LAMA2: variants seen among roughly 807,000 people sequenced by gnomAD.
LAMA2 encodes the protein laminin subunit alpha-2.
In LAMA2, 269 loss-of-function variants were observed where a neutral mutation model predicts 364.8. The ratio of observed to expected loss-of-function variants is 0.74; its 90% confidence interval spans 0.67 to 0.82. The LOEUF is 0.82. Among genes scored for constraint, LAMA2 ranks in the 40% least tolerant of loss-of-function variants. The pLI, the probability that LAMA2 is intolerant of heterozygous loss-of-function variation, is 0.00. For missense variants in LAMA2, 3,807 were observed against 3,873.2 expected, an observed-to-expected ratio of 0.98 and a Z score of 0.45; for synonymous variants, 1,379 against 1,370.6, an observed-to-expected ratio of 1.01 and a Z score of -0.14.
At chr6:129,018,567 C>G (rs929292563) in intron 1 of LAMA2, among the ~76,000 whole-genome samples, 1 of 151,306 alleles carries the variant, frequency 6.6e-6, no homozygotes, top group Non-Finnish European at 1.5e-5. Flanking sequence ...TTTAAACTAC[C>G]CCTCTTGAGC....
Position 129,330,602 on chromosome 6 carries a change from T to G in LAMA2, c.4311+2190T>G, listed in dbSNP as rs72979119. 3.6e-4 allele frequency among the ~76,000 whole-genome samples: 23 copies of G among 63,084 alleles called. 1 individual carries two copies. Among genetic ancestry groups the G allele is most frequent in the East Asian group, 1.7e-3 (2 of 1,164 alleles). 41.4% of individuals were successfully genotyped at this position (63,084 alleles called of 152,430 possible). A position where few individuals can be genotyped will look rare whatever the true frequency, so the allele number is the denominator to read the frequency against. On this transcript the variant is annotated intron_variant, in intron 29 of 64. Transcript: ENST00000421865. ...TTTTGTTGTTGTTTGGTTTTTGTTT[T>G]TTTTTTTTTTTTTCCCACTGTGTCG... is the stretch of plus-strand genomic sequence containing the variant.
chr6:128,947,626 A>T (rs932309754), intron 1 of LAMA2, among the ~76,000 whole-genome samples: 4 of 152,166 alleles, frequency 2.6e-5, no homozygotes, highest in African/African-American at 4.8e-5. Flanking sequence ...TCTACCTAAT[A>T]AGCATTTATT....
intron 1 of LAMA2, among the ~76,000 whole-genome samples, chr6:128,888,033 TTCTAA>T (rs1170384993): frequency 1.3e-5 from 2 of 152,208 alleles, no homozygotes; most frequent in African/African-American, 2.4e-5. Flanking sequence ...GTGGTTTAAC[TTCTAA>T]TCTAGAAGAT....
chr6:129,292,869 G>GT, intron 20 of LAMA2: 1 of 985,838 alleles, frequency 1.0e-6, no homozygotes, highest in Non-Finnish European at 1.2e-6. Context: ...CGTTGGCTCT[G>GT]TGTCACCGCA....
At chr6:129,262,985 T>C (rs375251857) in intron 15 of LAMA2, among the ~76,000 whole-genome samples, 4 of 152,286 alleles carry the variant, frequency 2.6e-5, no homozygotes, top group South Asian at 4.1e-4. Flanking sequence ...TGTTCTGCAG[T>C]TAAATCTTTC....
intron 11 of LAMA2, 112 bp downstream of exon 11, chr6:129,190,457 C>A: frequency 9.1e-7 from 1 of 1,099,336 alleles, no homozygotes; most frequent in Non-Finnish European, 1.3e-6. Context: ...CATAAAGTTA[C>A]AGGAAGAAGT....
chr6:129,250,019 T>C, intron 12 of LAMA2, 93 bp from the exon 13 acceptor site: 1 of 818,730 alleles, frequency 1.2e-6, no homozygotes, highest in South Asian at 1.4e-5. Context: ...TACTGCCCTA[T>C]AGAACAATAA....
chr6:128,959,660 C>G (rs1781358960), intron 1 of LAMA2, among the ~76,000 whole-genome samples: 1 of 152,176 alleles, frequency 6.6e-6, no homozygotes, highest in Admixed American at 6.5e-5. Flanking sequence ...TCCCAATGAG[C>G]CGCCTCTTGT....
Position 129,315,521 on chromosome 6 carries a change from G to A in LAMA2, c.3601G>A (p.Ala1201Thr). Residue 1201 changes from alanine to threonine, a missense_variant, in exon 25 of 65, where the codon GCT becomes ACT. Ala to Thr is a moderately conservative substitution (Grantham distance 58). This residue lies in a region of LAMA2 where 3,333 missense variants were observed against 3,345.7 expected (regional missense o/e 1.00). Coordinates refer to ENST00000421865, the MANE Select transcript of LAMA2 (RefSeq NM_000426.4). ...GACCATTCTACCCCTGGTAGATGAG[G>A]CTCTGCAGCACACGACCACCAAGGG... is the stretch of plus-strand genomic sequence containing the variant. ...EQTILPLVDE[A>T]LQHTTTKGIV... 6.2e-7 allele frequency: 1 copy of A among 1,614,150 alleles called. No homozygotes were observed. The highest frequency in any genetic ancestry group is 8.5e-7 in the Non-Finnish European group (1 of 1,180,016).
At chr6:129,067,296 T>A (rs115981736) in intron 3 of LAMA2, among the ~76,000 whole-genome samples, 4,295 of 152,308 alleles carry the variant, frequency 0.028, 196 homozygotes, top group African/African-American at 0.098. Context: ...GTTCTTTACC[T>A]GTTTTAATTG....
intron 12 of LAMA2, among the ~76,000 whole-genome samples, chr6:129,195,350 G>T (rs1008044504): frequency 6.6e-6 from 1 of 152,098 alleles, no homozygotes; most frequent in African/African-American, 2.4e-5. Context: ...TGTCTGCCTG[G>T]TTGTAATAAA....
rs754216711 is a variant in LAMA2 at position 129,402,433 on chromosome 6, C to G, written c.5672C>G (p.Ser1891Cys). Residue 1891 changes from serine (S) to cysteine (C), a missense_variant, in exon 39 of 65, where the codon TCC becomes TGC. By Grantham distance (112) the Ser-to-Cys change is moderately radical. Transcript: ENST00000421865. ...IKDRKLAEKV[S>C]QAESHAAQLN... Reference sequence around the variant, plus strand: ...GACAGGAAGCTTGCTGAGAAGGTGTCCCAGGCTGAGAGCCACGCAGCTCAG... The same window carrying G: ...GACAGGAAGCTTGCTGAGAAGGTGTGCCAGGCTGAGAGCCACGCAGCTCAG... 1.9e-6 allele frequency: 3 copies of G among 1,613,964 alleles called. No homozygotes were observed. The African/African-American group carries it at 4.0e-5, about 22-fold the overall frequency.
intron 16 of LAMA2, among the ~76,000 whole-genome samples, chr6:129,267,952 G>A (rs929291829): frequency 6.6e-6 from 1 of 152,038 alleles, no homozygotes; most frequent in East Asian, 1.9e-4. Flanking sequence ...CCTTTCATTA[G>A]TCTTGCAGAA....
At chr6:128,908,490 A>T (rs1168322019) in intron 1 of LAMA2, among the ~76,000 whole-genome samples, 2 of 147,410 alleles carry the variant, frequency 1.4e-5, no homozygotes, top group Admixed American at 6.8e-5. Flanking sequence ...TATCCCCTTT[A>T]TCATTTTTTA....
intron 29 of LAMA2, among the ~76,000 whole-genome samples, chr6:129,336,235 G>C (rs899188421): frequency 2.0e-5 from 3 of 151,964 alleles, no homozygotes; most frequent in Non-Finnish European, 4.4e-5. Context: ...AAGAGCGGAG[G>C]ATCCAGGAGT....
chr6:129,231,181 G>A (rs994759837), intron 12 of LAMA2, among the ~76,000 whole-genome samples: 1 of 151,934 alleles, frequency 6.6e-6, no homozygotes, highest in African/African-American at 2.4e-5. Flanking sequence ...AATTACTTAT[G>A]CAAATGCAAA....
At chr6:129,062,792 G>C (rs1428669283) in intron 3 of LAMA2, among the ~76,000 whole-genome samples, 1 of 152,034 alleles carries the variant, frequency 6.6e-6, no homozygotes, top group Non-Finnish European at 1.5e-5. Context: ...ATTTCAACAA[G>C]TGCCAGTATT....
At position 129,353,325 on chromosome 6, in the gene LAMA2, A is replaced by G. The variant is rs767903280; in HGVS notation, c.4685A>G (p.His1562Arg). ...ATGRKCDGCK[H>R]WHAREGWECV... Reference sequence around the variant, plus strand: ...GGAAGGAAGTGTGACGGCTGCAAGCACTGGCATGCACGCGAGGGCTGGGAG... The same window carrying G: ...GGAAGGAAGTGTGACGGCTGCAAGCGCTGGCATGCACGCGAGGGCTGGGAG... Residue 1562 changes from histidine to arginine, a missense_variant, in exon 32 of 65, where the codon CAC becomes CGC. This residue lies in a region of LAMA2 where 3,333 missense variants were observed against 3,345.7 expected (regional missense o/e 1.00). Coordinates refer to ENST00000421865, the MANE Select transcript of LAMA2 (RefSeq NM_000426.4). 29 of 1,613,976 alleles carry G rather than the reference A, an allele frequency of 1.8e-5. No individual in the cohort carries two copies. Among genetic ancestry groups the G allele is most frequent in the Admixed American group, 5.0e-5 (3 of 59,994 alleles).
rs143215851 is a variant in LAMA2 at position 129,369,976 on chromosome 6, G to A, written c.4945G>A (p.Glu1649Lys). 3.8e-5 allele frequency: 61 copies of A among 1,613,894 alleles called. No homozygotes were observed. Among genetic ancestry groups the A allele is most frequent in the Non-Finnish European group, 4.5e-5 (53 of 1,179,904 alleles). The change falls in exon 34 of 65, where the codon GAG (glutamate) becomes AAG (lysine). Residue 1649 changes from glutamate (E) to lysine (K), a missense_variant. Physicochemically the swap from Glu to Lys is moderately conservative, Grantham distance 56. This residue lies in a region of LAMA2 where 3,333 missense variants were observed against 3,345.7 expected (regional missense o/e 1.00). Coordinates refer to ENST00000421865, the MANE Select transcript of LAMA2 (RefSeq NM_000426.4). ...NLNTLVTEMN[E>K]LLTRATKVTA... is the part of the protein sequence containing the mutation. ...GAATACACTCGTGACCGAAATGAAC[G>A]AGCTGCTGACCAGGGTAAGGTGGCA...
Sources: allele counts gnomAD v4.1 joint callset (sites outside exome capture counted in the v4.1 genomes callset), GRCh38; gene constraint gnomAD v4.1.1; regional missense constraint gnomAD v4.1.1; transcripts MANE v1.5; gene names NCBI Gene and HGNC (gene_info 2026-07-23, HGNC 2026-07-21).